SCG3: variants seen among roughly 807,000 people sequenced by gnomAD.
SCG3 encodes the protein secretogranin-3.
In SCG3, 38 loss-of-function variants were observed where a neutral mutation model predicts 56.2. That is an observed-to-expected ratio of 0.68 (90% CI 0.52 to 0.89). The LOEUF (loss-of-function observed/expected upper bound fraction) is 0.89, where lower values mean the gene tolerates loss of function less well. SCG3 is among the 40% of genes least tolerant of loss of function. SCG3 has a pLI of 0.00. For synonymous variants in SCG3, 176 were observed against 184.2 expected, an observed-to-expected ratio of 0.96 and a Z score of 0.36; for missense variants, 524 against 540.7, an observed-to-expected ratio of 0.97 and a Z score of 0.31.
chr15:51,690,177 A>G (rs2055257680), intron 6 of SCG3, among the ~76,000 whole-genome samples: 1 of 152,040 alleles, frequency 6.6e-6, no homozygotes, highest in South Asian at 2.1e-4. Context: ...GTTCTTGGCA[A>G]TGCTCTTCCA....
At position 51,688,233 on chromosome 15, in the gene SCG3, G is replaced by A. The variant is rs539019615; in HGVS notation, c.398-27G>A. On this transcript the variant is annotated intron_variant, in intron 4 of 11. Coordinates refer to ENST00000220478, the MANE Select transcript of SCG3 (RefSeq NM_013243.4). ...ATGAAATAGATCTATGATCACTATGGTGTGAAGTTGTGGTCGTTCTGTCTA... is the reference window on the plus strand; with the variant it reads ...ATGAAATAGATCTATGATCACTATGATGTGAAGTTGTGGTCGTTCTGTCTA... The A allele has an allele frequency of 1.1e-5, 18 of 1,600,532 alleles. No individual in the cohort carries two copies. In the South Asian group the frequency reaches 1.9e-4, roughly 17 times the overall value.
At chr15:51,713,126 C>T in intron 10 of SCG3, 2 of 368,598 alleles carry the variant, frequency 5.4e-6, no homozygotes, top group Middle Eastern at 1.6e-3. Flanking sequence ...CCTGGAACCT[C>T]ATCCGCACCT....
At chr15:51,704,236 C>CATATATAT (rs1338699360) in intron 10 of SCG3, among the ~76,000 whole-genome samples, 50 of 54,298 alleles carry the variant, frequency 9.2e-4, no homozygotes, top group African/African-American at 2.7e-3. Flanking sequence ...TGTATACATA[C>CATATATAT]ATACATACAT....
At chr15:51,718,957 G>C (rs2055477583) in intron 11 of SCG3, among the ~76,000 whole-genome samples, 1 of 152,146 alleles carries the variant, frequency 6.6e-6, no homozygotes, top group African/African-American at 2.4e-5. Context: ...ATGTGACCTT[G>C]AACAAGGCAC....
chr15:51,714,002 C>T (rs1369238121), intron 11 of SCG3, among the ~76,000 whole-genome samples: 3 of 152,094 alleles, frequency 2.0e-5, no homozygotes, highest in South Asian at 2.1e-4. Flanking sequence ...AGGACAGAGA[C>T]AGTTGAGAGA....
At chr15:51,697,591 G>A (rs2032561025) in intron 8 of SCG3, among the ~76,000 whole-genome samples, 2 of 152,192 alleles carry the variant, frequency 1.3e-5, no homozygotes, top group Admixed American at 6.5e-5. Context: ...AGAAAGTTCT[G>A]TTGGACAACA....
chr15:51,682,576 C>T lies in SCG3; in HGVS notation c.135+7C>T. 1 of 1,363,036 alleles carries T rather than the reference C, an allele frequency of 7.3e-7. No individual in the cohort carries two copies. Among genetic ancestry groups the T allele is most frequent in the Non-Finnish European group, 9.9e-7 (1 of 1,005,688 alleles). The allele number at this position is 1,363,036 out of a possible 1,614,324, so 84.4% of individuals were successfully genotyped here. ...AAGACCTTTGAATGAACAGGTAGGTCAAAAGTAACATTATGAATGCTATTT... is the reference window on the plus strand; with the variant it reads ...AAGACCTTTGAATGAACAGGTAGGTTAAAAGTAACATTATGAATGCTATTT... On this transcript the variant is annotated splice_region_variant and intron_variant, in intron 2 of 11. Transcript: ENST00000220478.
chr15:51,704,584 C>T (rs1329178726), intron 10 of SCG3, among the ~76,000 whole-genome samples: 1 of 150,638 alleles, frequency 6.6e-6, no homozygotes, highest in African/African-American at 2.4e-5. Flanking sequence ...CCTTCTGTGA[C>T]CAGCTTACGT....
chr15:51,713,558 G>A (rs2055434615), intron 11 of SCG3, 145 bp downstream of exon 11: 1 of 528,538 alleles, frequency 1.9e-6, no homozygotes, highest in South Asian at 2.5e-5. Context: ...CAGATACAGA[G>A]GGGAACAGAA....
In SCG3 at chr15:51,688,312, C is replaced by A. The variant is rs751237684; in HGVS notation, c.450C>A (p.Asp150Glu). ...QLDGTPLTAE[D>E]IVHKIAARIY... ...ACGGGACTCCTTTAACCGCTGAAGA[C>A]ATTGTCCATAAAATCGCTGCCAGGA... Residue 150 changes from aspartate to glutamate, a missense_variant, in exon 5 of 12, where the codon GAC becomes GAA. Transcript: ENST00000220478. 7.8e-5 allele frequency: 126 copies of A among 1,613,704 alleles called. No individual in the cohort carries two copies. Among genetic ancestry groups the A allele is most frequent in the Non-Finnish European group, 1.0e-4 (122 of 1,179,774 alleles).
intron 10 of SCG3, among the ~76,000 whole-genome samples, chr15:51,710,886 G>T (rs2055416522): frequency 6.6e-6 from 1 of 151,256 alleles, no homozygotes; most frequent in Non-Finnish European, 1.5e-5. Context: ...GTGAGCCACA[G>T]AGCCTGGTCA....
chr15:51,710,028 G>A (rs868426972), intron 10 of SCG3, among the ~76,000 whole-genome samples: 4 of 151,004 alleles, frequency 2.6e-5, no homozygotes, highest in South Asian at 2.1e-4. Context: ...GAGCCACCGC[G>A]CCCGGCCGGC....
chr15:51,703,096 G>A (rs918725196), intron 10 of SCG3, among the ~76,000 whole-genome samples: 1 of 152,100 alleles, frequency 6.6e-6, no homozygotes, highest in Non-Finnish European at 1.5e-5. Flanking sequence ...ATTTTCATTG[G>A]TTATGTATAA....
intron 7 of SCG3, 119 bp from the exon 8 acceptor site, chr15:51,695,756 G>A (rs1330386491): frequency 1.1e-5 from 7 of 634,402 alleles, no homozygotes; most frequent in African/African-American, 7.6e-5. Flanking sequence ...GTGAGACCTC[G>A]TCTTTGAAAA....
chr15:51,706,062 A>G lies in SCG3; in HGVS notation c.1207+4818A>G, dbSNP rs538858050. ...AATGTATTAATCCCCAAAAGGACATACCGACATATATCTTTGTGTTCGCAG... is the reference window on the plus strand; with the variant it reads ...AATGTATTAATCCCCAAAAGGACATGCCGACATATATCTTTGTGTTCGCAG... On this transcript the variant is annotated intron_variant, in intron 10 of 11. Transcript: ENST00000220478. Among the ~76,000 whole-genome samples the G allele has an allele frequency of 9.8e-4, 150 of 152,352 alleles. 2 individuals carry two copies. The highest frequency in any genetic ancestry group is 3.5e-3 in the African/African-American group (144 of 41,574).
rs554743725 is a variant in SCG3, at chr15:51,696,289, C to T, written c.985+298C>T. Among the ~76,000 whole-genome samples the T allele has an allele frequency of 2.1e-3, 317 of 152,284 alleles. 2 individuals are homozygous for T. The highest frequency in any genetic ancestry group is 3.9e-3 in the Non-Finnish European group (262 of 68,016). ...TCTAGGCCAGGTGCGGTGGCTCACA[C>T]CTGTAATCCCAGCACTTTGGGAAGC... On this transcript the variant is annotated intron_variant, in intron 8 of 11. Transcript: ENST00000220478.
At chr15:51,706,593 G>A (rs76564255) in intron 10 of SCG3, among the ~76,000 whole-genome samples, 17,110 of 152,088 alleles carry the variant, frequency 0.11, 1,310 homozygotes, top group Admixed American at 0.22. Flanking sequence ...TTGGCCTTGC[G>A]GTGTGTGAGG....
chr15:51,696,332 C>T (rs951065663), intron 8 of SCG3, among the ~76,000 whole-genome samples: 2 of 152,146 alleles, frequency 1.3e-5, no homozygotes, highest in African/African-American at 4.8e-5. Flanking sequence ...GGCAGATTGC[C>T]TGAGGCCAAG....
At chr15:51,707,773 C>T (rs2622775) in intron 10 of SCG3, among the ~76,000 whole-genome samples, 75,126 of 152,100 alleles carry the variant, frequency 0.49, 19,458 homozygotes, top group East Asian at 0.74. Context: ...CTCACAGCTC[C>T]GTGGCCTGTG....
Sources: gnomAD v4.1 joint callset for allele counts (sites outside exome capture counted in the v4.1 genomes callset) on GRCh38, gnomAD v4.1.1 for gene constraint, MANE v1.5 for transcripts, NCBI Gene and HGNC (gene_info 2026-07-23, HGNC 2026-07-21) for gene names.